The following VPS45 variants were observed in gnomAD, a reference collection of about 807,000 sequenced individuals.
The protein encoded by VPS45 is vacuolar protein sorting 45 homolog.
VPS45 carries 35 observed loss-of-function variants against 75.9 expected under a neutral mutation model. The observed-to-expected ratio is 0.46, with a 90% CI of 0.35 to 0.61. The LOEUF (loss-of-function observed/expected upper bound fraction) is 0.61. Among genes scored for constraint, VPS45 ranks in the 20% least tolerant of loss-of-function variants. The pLI, the probability that VPS45 is intolerant of heterozygous loss-of-function variation, is 0.00. For missense variants in VPS45, 559 were observed against 685.9 expected (o/e 0.81, Z 2.07); for synonymous variants, 220 against 238.2 (o/e 0.92, Z 0.70).
intron 14 of VPS45, among the ~76,000 whole-genome samples, chr1:150,132,498 C>G (rs1356214928): frequency 6.6e-6 from 1 of 152,114 alleles, no homozygotes; most frequent in Non-Finnish European, 1.5e-5. Context: ...AATAAAGTGT[C>G]CAGTTGATTA....
intron 13 of VPS45, among the ~76,000 whole-genome samples, chr1:150,104,181 T>C (rs1428630680): frequency 2.6e-5 from 4 of 152,176 alleles, no homozygotes; most frequent in Non-Finnish European, 5.9e-5. Flanking sequence ...CCTTCCTTCT[T>C]CCCCTCTTTT....
chr1:150,111,367 C>A (rs1657639273), intron 14 of VPS45, among the ~76,000 whole-genome samples: 1 of 152,228 alleles, frequency 6.6e-6, no homozygotes, highest in South Asian at 2.1e-4. Context: ...CAAAGAACAG[C>A]AAATAGTTGA....
intron 1 of VPS45, 111 bp downstream of exon 1, chr1:150,068,061 C>A: frequency 8.5e-7 from 1 of 1,171,560 alleles, no homozygotes; most frequent in South Asian, 1.4e-5. Context: ...AAATGAGGGT[C>A]GGTTTGTGTG....
intron 13 of VPS45, among the ~76,000 whole-genome samples, chr1:150,102,488 G>T (rs587690073): frequency 1.4e-4 from 22 of 151,808 alleles, no homozygotes; most frequent in South Asian, 6.2e-4. Flanking sequence ...GGCAGAGGTT[G>T]TGGTGACCCA....
chr1:150,130,074 AGTCTGGTATTGAACTCCT>A (rs1321301137), intron 14 of VPS45, among the ~76,000 whole-genome samples: 3 of 151,684 alleles, frequency 2.0e-5, no homozygotes, highest in African/African-American at 7.3e-5. Flanking sequence ...TATATTGCCC[AGTCTGGTATTGAACTCCT>A]GGCCTCAAGA....
chr1:150,103,836 C>G (rs1357647975), intron 13 of VPS45, among the ~76,000 whole-genome samples: 1 of 152,140 alleles, frequency 6.6e-6, no homozygotes, highest in Admixed American at 6.6e-5. Flanking sequence ...ATCAGAAGCT[C>G]AAAACAAAGG....
Position 150,110,914 on chromosome 1 carries a change from C to G in VPS45, c.1625+287C>G, listed in dbSNP as rs758170450. Among the ~76,000 whole-genome samples the G allele has an allele frequency of 5.5e-4, 84 of 152,060 alleles. 1 individual carries two copies. The highest frequency in any genetic ancestry group is 1.0e-3 in the Non-Finnish European group (68 of 68,000). ...TCCTGTGTTCAAAAAAGGAGAAACCCTTGGACCTAATTCATAAGGAAGGGG... is the reference window on the plus strand; with the variant it reads ...TCCTGTGTTCAAAAAAGGAGAAACCGTTGGACCTAATTCATAAGGAAGGGG... On this transcript the variant is annotated intron_variant, in intron 14 of 14. Coordinates refer to ENST00000644510, the MANE Select transcript of VPS45 (RefSeq NM_007259.5).
chr1:150,068,603 C>CT, intron 1 of VPS45, 27 bp from the exon 2 acceptor site: 1 of 1,487,680 alleles, frequency 6.7e-7, no homozygotes, highest in Non-Finnish European at 9.0e-7. Context: ...GACTAGCATA[C>CT]TTTTAGTTAA....
intron 14 of VPS45, among the ~76,000 whole-genome samples, chr1:150,115,964 T>C (rs1257661210): frequency 1.3e-5 from 2 of 152,220 alleles, no homozygotes; most frequent in African/African-American, 4.8e-5. Flanking sequence ...TTGGTTCCCT[T>C]TTTGTGCTGA....
At position 150,116,554 on chromosome 1, in the gene VPS45, T is replaced by A. The variant is rs76024411; in HGVS notation, c.1625+5927T>A. Reference sequence around the variant, plus strand: ...AGCTAGTATTGGAAGCCAGAACCCATGCTTTTAACCACTATGCATTTCCTT... The same window carrying A: ...AGCTAGTATTGGAAGCCAGAACCCAAGCTTTTAACCACTATGCATTTCCTT... On this transcript the variant is annotated intron_variant, in intron 14 of 14. Transcript: ENST00000644510. Among the ~76,000 whole-genome samples the A allele has an allele frequency of 9.8e-5, 15 of 152,310 alleles. No homozygotes were observed. In the East Asian group the frequency reaches 2.3e-3, roughly 23 times the overall value.
intron 9 of VPS45, 124 bp from the exon 10 acceptor site, chr1:150,082,592 A>T: frequency 8.4e-7 from 1 of 1,191,612 alleles, no homozygotes; most frequent in Non-Finnish European, 1.2e-6. Context: ...CATGTGGCTG[A>T]AAGTTGTAGA....
intron 10 of VPS45, among the ~76,000 whole-genome samples, chr1:150,085,236 T>C (rs1655940767): frequency 6.6e-6 from 1 of 152,150 alleles, no homozygotes; most frequent in Admixed American, 6.5e-5. Flanking sequence ...AATTTAAATT[T>C]CTTATATTTC....
At chr1:150,077,478 A>G (rs1655459777) in intron 6 of VPS45, 191 bp from the exon 7 acceptor site, 1 of 669,590 alleles carries the variant, frequency 1.5e-6, no homozygotes, top group African/African-American at 1.8e-5. Flanking sequence ...CACTTATAAA[A>G]TAGGGTTTCA....
At position 150,145,136 on chromosome 1, in the gene VPS45, A is replaced by T; in HGVS notation, c.*340A>T. On this transcript the variant is annotated 3_prime_UTR_variant, in exon 15 of 15. Transcript: ENST00000644510. ...AGTAATCATTTGATGTACATACCAC[A>T]CTCCTTGGCTTCCTTTCTCTTCCCT... 4.2e-6 allele frequency: 2 copies of T among 480,678 alleles called. No homozygotes were observed. The highest frequency in any genetic ancestry group is 7.4e-6 in the Non-Finnish European group (2 of 270,276). 29.8% of individuals were successfully genotyped at this position (480,678 alleles called of 1,614,324 possible).
At chr1:150,081,071 A>G (rs587637876) in intron 7 of VPS45, among the ~76,000 whole-genome samples, 1 of 152,302 alleles carries the variant, frequency 6.6e-6, no homozygotes, top group South Asian at 2.1e-4. Context: ...TAATAGCTCT[A>G]ATTTGTTTTC....
At chr1:150,114,904 T>TAA (rs11437363) in intron 14 of VPS45, among the ~76,000 whole-genome samples, 106,449 of 143,434 alleles carry the variant, frequency 0.74, 41,312 homozygotes, top group East Asian at 0.99. Context: ...GACCCTGTCT[T>TAA]AAAAAAAAAA....
At chr1:150,143,686 G>A (rs951760363) in intron 14 of VPS45, among the ~76,000 whole-genome samples, 7 of 152,144 alleles carry the variant, frequency 4.6e-5, no homozygotes, top group African/African-American at 1.7e-4. Flanking sequence ...ACGTGTTTAG[G>A]AACAGTGAGT....
intron 14 of VPS45, among the ~76,000 whole-genome samples, chr1:150,124,628 A>G (rs1227186270): frequency 7.0e-6 from 1 of 143,696 alleles, no homozygotes; most frequent in African/African-American, 2.6e-5. Flanking sequence ...CCTCACTCCA[A>G]CCCCCCTACC....
intron 13 of VPS45, chr1:150,109,470 G>C (rs1657519681): frequency 6.6e-6 from 1 of 152,108 alleles, no homozygotes; most frequent in Admixed American, 6.6e-5. Context: ...TTTAGAAAGA[G>C]AGAGAGAGAG....
Sources: allele counts gnomAD v4.1 joint callset (sites outside exome capture counted in the v4.1 genomes callset), GRCh38; gene constraint gnomAD v4.1.1; transcripts MANE v1.5; gene names NCBI Gene and HGNC (gene_info 2026-07-23, HGNC 2026-07-21).